SOHLH2: variants seen among roughly 807,000 people sequenced by gnomAD.
SOHLH2 encodes the protein spermatogenesis- and oogenesis-specific basic helix-loop-helix-containing protein 2.
SOHLH2 carries 22 observed loss-of-function variants against 50.4 expected under a neutral mutation model. The observed-to-expected ratio is 0.44, with a 90% CI of 0.31 to 0.62. The LOEUF (loss-of-function observed/expected upper bound fraction) is 0.62, where lower values mean the gene tolerates loss of function less well. SOHLH2 is among the 20% of genes least tolerant of loss of function. The pLI is 0.08. For missense variants in SOHLH2, 412 were observed against 504.4 expected (o/e 0.82, Z 1.76); for synonymous variants, 185 against 187.3 (o/e 0.99, Z 0.10).
chr13:36,206,714 A>C (rs1868785298), intron 1 of SOHLH2, among the ~76,000 whole-genome samples: 1 of 151,834 alleles, frequency 6.6e-6, no homozygotes, highest in Non-Finnish European at 1.5e-5. Flanking sequence ...TTCTTTGCTT[A>C]TATTAGGTCT....
chr13:36,177,006 A>G (rs1887113142), intron 6 of SOHLH2, among the ~76,000 whole-genome samples: 1 of 152,062 alleles, frequency 6.6e-6, no homozygotes, highest in Non-Finnish European at 1.5e-5. Flanking sequence ...TGTAACGAAA[A>G]TCCTAATCAC....
chr13:36,177,592 T>A (rs945024538), intron 6 of SOHLH2, among the ~76,000 whole-genome samples: 1 of 152,134 alleles, frequency 6.6e-6, no homozygotes, highest in Non-Finnish European at 1.5e-5. Flanking sequence ...GTTTTCATTT[T>A]AGCATTTTGG....
At chr13:36,201,166 A>C (rs1247404121) in intron 2 of SOHLH2, among the ~76,000 whole-genome samples, 1 of 151,936 alleles carries the variant, frequency 6.6e-6, no homozygotes, top group Non-Finnish European at 1.5e-5. Flanking sequence ...AGAAGGCCCC[A>C]TGGCTCCAGG....
At chr13:36,197,091 C>T (rs952985579) in intron 2 of SOHLH2, among the ~76,000 whole-genome samples, 2 of 152,214 alleles carry the variant, frequency 1.3e-5, no homozygotes, top group African/African-American at 4.8e-5. Flanking sequence ...TCCACACCAA[C>T]TGATAGTACT....
chr13:36,169,814 G>C (rs1483850854), intron 10 of SOHLH2, among the ~76,000 whole-genome samples: 5 of 152,134 alleles, frequency 3.3e-5, no homozygotes, highest in African/African-American at 1.2e-4. Context: ...TTAGTGGCTA[G>C]AGATTGACAT....
At chr13:36,212,523 G>A (rs1038778759) in intron 1 of SOHLH2, among the ~76,000 whole-genome samples, 9 of 152,182 alleles carry the variant, frequency 5.9e-5, no homozygotes, top group African/African-American at 2.2e-4. Flanking sequence ...AAAGAAAAAG[G>A]AATAAATGTT....
At chr13:36,212,811 T>C (rs1164170419) in intron 1 of SOHLH2, among the ~76,000 whole-genome samples, 4 of 152,200 alleles carry the variant, frequency 2.6e-5, no homozygotes, top group African/African-American at 9.6e-5. Flanking sequence ...CACGACATCA[T>C]TGTCACCAAG....
At chr13:36,177,477 C>G (rs550719029) in intron 6 of SOHLH2, among the ~76,000 whole-genome samples, 1 of 152,166 alleles carries the variant, frequency 6.6e-6, no homozygotes, top group Non-Finnish European at 1.5e-5. Context: ...TTTATAAAAA[C>G]AGGCAGAACT....
At position 36,193,663 on chromosome 13, in the gene SOHLH2, T is replaced by C; in HGVS notation, c.388A>G (p.Ser130Gly). 6.2e-7 allele frequency: 1 copy of C among 1,613,144 alleles called. No homozygotes were observed. The highest frequency in any genetic ancestry group is 8.5e-7 in the Non-Finnish European group (1 of 1,179,784). Residue 130 changes from serine (S) to glycine (G), a missense_variant, in exon 4 of 11, where the codon AGT becomes GGT. Transcript: ENST00000379881. ...GTTGTCCAGTATTTTACCACATTAC[T>C]CATTTTTTCCATTGTCAGTGGTTCA... ...LTEPLTMEKM[S>G]NVVKYWTTCP...
chr13:36,183,267 C>A, intron 6 of SOHLH2: 1 of 243,270 alleles, frequency 4.1e-6, no homozygotes, highest in Admixed American at 3.3e-5. Context: ...TTCTTTATAG[C>A]AACACAAGAA....
At chr13:36,192,265 T>C (rs533389231) in intron 4 of SOHLH2, among the ~76,000 whole-genome samples, 56 of 152,254 alleles carry the variant, frequency 3.7e-4, no homozygotes, top group Non-Finnish European at 7.6e-4. Context: ...TGTCGAAATA[T>C]AGCATCTGAA....
At chr13:36,210,362 T>G (rs541833713) in intron 1 of SOHLH2, among the ~76,000 whole-genome samples, 1 of 152,318 alleles carries the variant, frequency 6.6e-6, no homozygotes, top group Non-Finnish European at 1.5e-5. Flanking sequence ...TTTGTGTCTT[T>G]TAAGCTGTGG....
At chr13:36,173,873 G>A (rs1887030802) in intron 8 of SOHLH2, 63 bp from the exon 9 acceptor site, 24 of 1,571,100 alleles carry the variant, frequency 1.5e-5, no homozygotes, top group Non-Finnish European at 1.9e-5. Context: ...ACACTGCTGA[G>A]TTCAATTGCC....
rs143501668 is a variant in SOHLH2, at chr13:36,207,282, TA to T, written c.49-5190del. ...TGAAATGACCTTATTCCCTTTCATT[TA>T]TTATTTCAGGCTTCCTATTTACTGT... is the stretch of plus-strand genomic sequence containing the variant. On this transcript the variant is annotated intron_variant, in intron 1 of 10. Coordinates refer to ENST00000379881, the MANE Select transcript of SOHLH2 (RefSeq NM_017826.3). Among the ~76,000 whole-genome samples, 137 of 152,230 alleles carry T rather than the reference TA, an allele frequency of 9.0e-4. 3 individuals are homozygous for T. The East Asian group carries it at 0.024, about 26-fold the overall frequency.
Position 36,173,758 on chromosome 13 carries a change from T to C in SOHLH2, c.934A>G (p.Thr312Ala). ...YSPERGLQFL[T>A]NTCWNGCSTP... is the part of the protein sequence containing the mutation. ...GAGCACCCATTCCAGCACGTATTAGTCAGGAATTGGAGCCCTCTCTCAGGG... is the reference window on the plus strand; with the variant it reads ...GAGCACCCATTCCAGCACGTATTAGCCAGGAATTGGAGCCCTCTCTCAGGG... Residue 312 changes from threonine to alanine, a missense_variant, in exon 9 of 11, where the codon ACT (threonine) becomes GCT (alanine). Coordinates refer to ENST00000379881, the MANE Select transcript of SOHLH2 (RefSeq NM_017826.3). 2 of 1,614,042 alleles carry C rather than the reference T, an allele frequency of 1.2e-6. No individual in the cohort carries two copies. Among genetic ancestry groups the C allele is most frequent in the Non-Finnish European group, 1.7e-6 (2 of 1,180,020 alleles).
intron 1 of SOHLH2, among the ~76,000 whole-genome samples, chr13:36,212,134 G>T (rs1436591639): frequency 6.6e-6 from 1 of 152,178 alleles, no homozygotes; most frequent in Non-Finnish European, 1.5e-5. Context: ...GGAGAAATCT[G>T]AGGGTAGGTA....
intron 8 of SOHLH2, 100 bp downstream of exon 8, chr13:36,174,376 G>A: frequency 6.7e-7 from 1 of 1,497,982 alleles, no homozygotes. Flanking sequence ...ATAAGCCCCT[G>A]CACTTTCACT....
intron 1 of SOHLH2, among the ~76,000 whole-genome samples, chr13:36,207,059 TTTTC>T (rs751936027): frequency 4.9e-4 from 75 of 152,046 alleles, no homozygotes; most frequent in Admixed American, 8.5e-4. Context: ...TATTTTAAAC[TTTTC>T]TTTATCATCT....
At chr13:36,173,615 G>T in intron 9 of SOHLH2, 77 bp downstream of exon 9, 1 of 1,549,878 alleles carries the variant, frequency 6.5e-7, no homozygotes, top group Non-Finnish European at 8.9e-7. Flanking sequence ...TTATGGTGGT[G>T]AATGCACAGG....
Sources: allele counts gnomAD v4.1 joint callset (sites outside exome capture counted in the v4.1 genomes callset), GRCh38; gene constraint gnomAD v4.1.1; transcripts MANE v1.5; gene names NCBI Gene and HGNC (gene_info 2026-07-23, HGNC 2026-07-21).